Variants in SGSM1 observed in about 807,000 individuals in gnomAD.
The protein encoded by SGSM1 is RUN and TBC1 domain containing 2.
Under a neutral mutation model 133.8 loss-of-function variants are expected in SGSM1, and 73 were observed. That is an observed-to-expected ratio of 0.55 (90% confidence interval 0.45 to 0.66). The LOEUF is 0.66. Among genes scored for constraint, SGSM1 ranks in the 30% least tolerant of loss-of-function variants. SGSM1 has a pLI of 0.00. For synonymous variants in SGSM1, 563 were observed against 573.0 expected (o/e 0.98, Z 0.25); for missense variants, 1,213 against 1,448.1 (o/e 0.84, Z 2.64).
rs143205992 is a variant in SGSM1, at chr22:24,873,417, A to G, written c.1292-3160A>G. On this transcript the variant is annotated intron_variant, in intron 12 of 24. Coordinates refer to ENST00000400358, the MANE Select transcript of SGSM1 (RefSeq NM_001098497.3). Reference sequence around the variant, plus strand: ...CCCTGGCCTCCAGCTACTAGATGACAGTAGCACCTAATTAATCCCCAAGGC... The same window carrying G: ...CCCTGGCCTCCAGCTACTAGATGACGGTAGCACCTAATTAATCCCCAAGGC... 1.1e-3 allele frequency among the ~76,000 whole-genome samples: 165 copies of G among 152,164 alleles called. 1 individual carries two copies. The highest frequency in any genetic ancestry group is 3.9e-3 in the African/African-American group (160 of 41,522).
intron 2 of SGSM1, among the ~76,000 whole-genome samples, chr22:24,828,767 A>G (rs747809941): frequency 1.3e-5 from 2 of 152,244 alleles, no homozygotes; most frequent in Non-Finnish European, 2.9e-5. Flanking sequence ...ATAAAGACAT[A>G]TGCACGCCAG....
chr22:24,905,776 A>G (rs139747), intron 21 of SGSM1, among the ~76,000 whole-genome samples: 55,517 of 147,460 alleles, frequency 0.38, 10,941 homozygotes, highest in East Asian at 0.64. Context: ...GAGACACAGC[A>G]AGACTCTGTC....
chr22:24,810,421 A>G (rs1467233467), intron 2 of SGSM1, among the ~76,000 whole-genome samples: 3 of 150,854 alleles, frequency 2.0e-5, no homozygotes, highest in African/African-American at 7.3e-5. Context: ...TCCTCCAGTT[A>G]AATCTGACCA....
At chr22:24,832,360 T>C (rs1310525507) in intron 2 of SGSM1, among the ~76,000 whole-genome samples, 2 of 152,234 alleles carry the variant, frequency 1.3e-5, no homozygotes, top group African/African-American at 4.8e-5. Context: ...GTTAGTGTTA[T>C]TTTCAGAGAT....
chr22:24,824,846 C>T (rs1928709304), intron 2 of SGSM1, among the ~76,000 whole-genome samples: 1 of 152,222 alleles, frequency 6.6e-6, no homozygotes. Context: ...ACTGGTCTCA[C>T]TTTGTAACGA....
chr22:24,872,801 C>T (rs1430346791), intron 12 of SGSM1, among the ~76,000 whole-genome samples: 2 of 152,048 alleles, frequency 1.3e-5, no homozygotes, highest in Non-Finnish European at 2.9e-5. Flanking sequence ...TGTCTGTAGT[C>T]CCAGTTACTC....
intron 21 of SGSM1, among the ~76,000 whole-genome samples, chr22:24,905,448 CA>C (rs1412590315): frequency 6.6e-6 from 1 of 151,872 alleles, no homozygotes; most frequent in Non-Finnish European, 1.5e-5. Flanking sequence ...AAACAAAAAA[CA>C]AACCCAGACG....
chr22:24,908,662 C>T (rs975138360), intron 21 of SGSM1, among the ~76,000 whole-genome samples: 15 of 151,860 alleles, frequency 9.9e-5, no homozygotes, highest in East Asian at 3.9e-4. Flanking sequence ...ATTAGCTGGG[C>T]GTGGTGGCGG....
chr22:24,807,547 G>T (rs1927478435), intron 2 of SGSM1, among the ~76,000 whole-genome samples: 2 of 152,016 alleles, frequency 1.3e-5, no homozygotes, highest in African/African-American at 4.8e-5. Context: ...GACTCCGTCT[G>T]TGTGCGTGTG....
chr22:24,895,128 C>T (rs5760713), intron 17 of SGSM1, 95 bp from the exon 18 acceptor site: 1 of 1,233,772 alleles, frequency 8.1e-7, no homozygotes, highest in South Asian at 1.3e-5. Context: ...AATAGAGATG[C>T]AACTAGACTT....
At chr22:24,866,876 C>G (rs1931486121) in intron 9 of SGSM1, among the ~76,000 whole-genome samples, 1 of 152,122 alleles carries the variant, frequency 6.6e-6, no homozygotes, top group South Asian at 2.1e-4. Context: ...CCTCACCTCC[C>G]ATATGAACTG....
intron 18 of SGSM1, 58 bp from the exon 19 acceptor site, chr22:24,897,914 G>T (rs945056493): frequency 6.9e-7 from 1 of 1,449,950 alleles, no homozygotes; most frequent in African/African-American, 1.4e-5. Flanking sequence ...GGTTGCTGAT[G>T]TAAGTAATGC....
At chr22:24,842,965 A>T (rs1929892292) in intron 2 of SGSM1, among the ~76,000 whole-genome samples, 1 of 151,996 alleles carries the variant, frequency 6.6e-6, no homozygotes, top group African/African-American at 2.4e-5. Flanking sequence ...AAGTGACATG[A>T]TTTGCCTGAG....
intron 2 of SGSM1, among the ~76,000 whole-genome samples, chr22:24,838,929 C>CAAAA (rs139655): frequency 0.12 from 17,314 of 146,904 alleles, 1,210 homozygotes; most frequent in East Asian, 0.21. Context: ...TATGTTTCTG[C>CAAAA]AAAAAAAAAA....
In SGSM1 at chr22:24,923,772, G is replaced by A. The variant is rs184987370; in HGVS notation, c.3194-414G>A. Among the ~76,000 whole-genome samples the A allele has an allele frequency of 2.3e-3, 343 of 152,152 alleles. 2 individuals carry two copies. The highest frequency in any genetic ancestry group is 6.9e-3 in the African/African-American group (286 of 41,526). On this transcript the variant is annotated intron_variant, in intron 24 of 24. Coordinates refer to ENST00000400358, the MANE Select transcript of SGSM1 (RefSeq NM_001098497.3). ...TGAGTAGCTGGGATTACAGGCATGC[G>A]CCACCACACCCGACTAGTTTTGTAT...
chr22:24,841,083 C>A (rs551855142), intron 2 of SGSM1, among the ~76,000 whole-genome samples: 1 of 152,166 alleles, frequency 6.6e-6, no homozygotes. Flanking sequence ...ATCTCCTGAC[C>A]TTGTGATCCG....
chr22:24,913,292 CAA>C (rs35021919), intron 22 of SGSM1, among the ~76,000 whole-genome samples: 297 of 96,918 alleles, frequency 3.1e-3, no homozygotes, highest in African/African-American at 0.012. Context: ...GACTCCATCT[CAA>C]AAAAAAAAAA....
intron 2 of SGSM1, among the ~76,000 whole-genome samples, chr22:24,835,186 G>T (rs1024697207): frequency 1.3e-5 from 2 of 152,074 alleles, no homozygotes; most frequent in African/African-American, 4.8e-5. Flanking sequence ...CAGGGAGGTG[G>T]GATGCACAGA....
chr22:24,850,470 C>A, intron 5 of SGSM1, 38 bp downstream of exon 5: 1 of 1,598,742 alleles, frequency 6.3e-7, no homozygotes, highest in East Asian at 2.3e-5. Flanking sequence ...CATGCTCTGC[C>A]CCCACCTGCC....
Sources: allele counts gnomAD v4.1 joint callset (sites outside exome capture counted in the v4.1 genomes callset), GRCh38; gene constraint gnomAD v4.1.1; transcripts MANE v1.5; gene names NCBI Gene and HGNC (gene_info 2026-07-23, HGNC 2026-07-21).